The following B3GAT2 variants were observed in gnomAD, a reference collection of about 807,000 sequenced individuals.
B3GAT2 encodes the protein galactosylgalactosylxylosylprotein 3-beta-glucuronosyltransferase 2.
B3GAT2 carries 26 observed loss-of-function variants against 27.8 expected under a neutral mutation model. The ratio of observed to expected loss-of-function variants is 0.93; its 90% CI spans 0.68 to 1.30. B3GAT2 has a LOEUF of 1.30. B3GAT2 is among the 50% of genes most tolerant of loss of function. The pLI is 0.00. For missense variants in B3GAT2, 458 were observed against 459.0 expected (o/e 1.00, Z 0.02); for synonymous variants, 218 against 195.1 (o/e 1.12, Z -0.98).
At chr6:70,882,229 T>C (rs11756926) in intron 2 of B3GAT2, among the ~76,000 whole-genome samples, 3,480 of 152,218 alleles carry the variant, frequency 0.023, 65 homozygotes, top group Non-Finnish European at 0.033. Flanking sequence ...ACGCTGGGTG[T>C]GGTGGCTCAC....
Position 70,936,402 on chromosome 6 carries a change from C to T in B3GAT2, c.591+19437G>A, listed in dbSNP as rs544067970. ...TGAACTCAGCTCTGCACCAAGCGGACCTAATACACATCTAAAGAACTCTCC... is the reference window on the plus strand; with the variant it reads ...TGAACTCAGCTCTGCACCAAGCGGATCTAATACACATCTAAAGAACTCTCC... On this transcript the variant is annotated intron_variant, in intron 1 of 3. Transcript: ENST00000230053. 5.5e-3 allele frequency among the ~76,000 whole-genome samples: 840 copies of T among 152,088 alleles called. 14 individuals are homozygous for T. Among genetic ancestry groups the T allele is most frequent in the African/African-American group, 0.02 (810 of 41,422 alleles).
At chr6:70,901,896 AT>A (rs1772505337) in intron 1 of B3GAT2, among the ~76,000 whole-genome samples, 1 of 152,250 alleles carries the variant, frequency 6.6e-6, no homozygotes, top group Non-Finnish European at 1.5e-5. Flanking sequence ...GTATAAAGAT[AT>A]CATTAGAAAT....
intron 2 of B3GAT2, among the ~76,000 whole-genome samples, chr6:70,864,588 G>A (rs932624990): frequency 1.3e-5 from 2 of 152,160 alleles, no homozygotes; most frequent in African/African-American, 4.8e-5. Context: ...CCCACAATCA[G>A]CTAACGCAAT....
intron 2 of B3GAT2, among the ~76,000 whole-genome samples, chr6:70,893,046 T>A (rs1449032960): frequency 6.6e-6 from 1 of 152,108 alleles, no homozygotes; most frequent in Non-Finnish European, 1.5e-5. Context: ...GAGATGTGTG[T>A]TAAATGTTGA....
intron 1 of B3GAT2, among the ~76,000 whole-genome samples, chr6:70,917,616 C>T (rs896486435): frequency 7.2e-5 from 11 of 152,196 alleles, no homozygotes; most frequent in African/African-American, 2.4e-4. Flanking sequence ...TTATTGGCTT[C>T]ACAGAACATT....
chr6:70,953,188 G>A (rs1765601609), intron 1 of B3GAT2, among the ~76,000 whole-genome samples: 2 of 152,200 alleles, frequency 1.3e-5, no homozygotes, highest in Admixed American at 1.3e-4. Context: ...CAGCCCTATA[G>A]CATTCCTAAT....
chr6:70,938,062 A>G (rs1282239025), intron 1 of B3GAT2, among the ~76,000 whole-genome samples: 1 of 150,870 alleles, frequency 6.6e-6, no homozygotes, highest in Non-Finnish European at 1.5e-5. Context: ...AAGTCTCAGG[A>G]TACAAAATCA....
intron 1 of B3GAT2, among the ~76,000 whole-genome samples, chr6:70,898,721 A>G (rs757076597): frequency 2.0e-5 from 3 of 152,208 alleles, no homozygotes; most frequent in Admixed American, 6.5e-5. Flanking sequence ...TCCCTTAAGA[A>G]TGTATAAGAT....
chr6:70,870,326 G>A (rs1380458388), intron 2 of B3GAT2, among the ~76,000 whole-genome samples: 1 of 146,416 alleles, frequency 6.8e-6, no homozygotes, highest in Non-Finnish European at 1.5e-5. Context: ...TCACTCATAG[G>A]TGGGAATTGA....
chr6:70,936,554 T>G (rs1765283843), intron 1 of B3GAT2, among the ~76,000 whole-genome samples: 1 of 152,032 alleles, frequency 6.6e-6, no homozygotes, highest in African/African-American at 2.4e-5. Context: ...ACAAACTGTC[T>G]CTCAGACCAC....
chr6:70,926,437 A>G (rs1772960316), intron 1 of B3GAT2, among the ~76,000 whole-genome samples: 1 of 152,226 alleles, frequency 6.6e-6, no homozygotes. Flanking sequence ...AAAAACGATT[A>G]GACAAATGGC....
chr6:70,909,717 T>C (rs573451889), intron 1 of B3GAT2, among the ~76,000 whole-genome samples: 1 of 152,342 alleles, frequency 6.6e-6, no homozygotes, highest in Middle Eastern at 3.4e-3. Flanking sequence ...ACCTTCTCTA[T>C]CCTGCTTTGA....
chr6:70,912,190 G>A (rs1296170925), intron 1 of B3GAT2, among the ~76,000 whole-genome samples: 1 of 152,030 alleles, frequency 6.6e-6, no homozygotes, highest in African/African-American at 2.4e-5. Flanking sequence ...GTGATAGTGG[G>A]CATCCTTGTC....
chr6:70,932,411 T>A (rs541549254), intron 1 of B3GAT2, among the ~76,000 whole-genome samples: 1 of 152,276 alleles, frequency 6.6e-6, no homozygotes, highest in East Asian at 1.9e-4. Flanking sequence ...TATCAAGAGA[T>A]GAATGGATAA....
intron 2 of B3GAT2, among the ~76,000 whole-genome samples, chr6:70,868,035 TA>T (rs575388192): frequency 3.4e-4 from 49 of 145,852 alleles, no homozygotes; most frequent in South Asian, 1.3e-3. Flanking sequence ...ATTAGCAGAC[TA>T]AAAAAAAAAA....
Position 70,857,916 on chromosome 6 carries a change from G to A in B3GAT2, c.*3747C>T, listed in dbSNP as rs1771502348. The A allele has an allele frequency of 6.2e-7, 1 of 1,612,650 alleles. No individual in the cohort carries two copies. Among genetic ancestry groups the A allele is most frequent in the African/African-American group, 1.3e-5 (1 of 74,868 alleles). On this transcript the variant is annotated 3_prime_UTR_variant, in exon 4 of 4. Transcript: ENST00000230053. ...TGTCTTCATTCATTTTCTTTTTGTGGTGCAGGTGTATTTATGGGACCCACA... is the reference window on the plus strand; with the variant it reads ...TGTCTTCATTCATTTTCTTTTTGTGATGCAGGTGTATTTATGGGACCCACA...
chr6:70,899,648 A>G (rs547918026), intron 1 of B3GAT2, among the ~76,000 whole-genome samples: 13 of 152,356 alleles, frequency 8.5e-5, no homozygotes, highest in Non-Finnish European at 1.6e-4. Context: ...AGAATGCTTC[A>G]TCACAGAATT....
chr6:70,936,910 G>T (rs1253306268), intron 1 of B3GAT2, among the ~76,000 whole-genome samples: 1 of 151,880 alleles, frequency 6.6e-6, no homozygotes, highest in Admixed American at 6.6e-5. Flanking sequence ...AATCAGAGCA[G>T]AACTGAAGGA....
chr6:70,912,352 A>G (rs899067056), intron 1 of B3GAT2, among the ~76,000 whole-genome samples: 6 of 151,994 alleles, frequency 3.9e-5, no homozygotes, highest in African/African-American at 1.4e-4. Flanking sequence ...TGAATTTTGC[A>G]TTCAATAGAT....
Sources: allele counts gnomAD v4.1 joint callset (sites outside exome capture counted in the v4.1 genomes callset), GRCh38; gene constraint gnomAD v4.1.1; transcripts MANE v1.5; gene names NCBI Gene and HGNC (gene_info 2026-07-23, HGNC 2026-07-21).